The following CDH4 variants were observed in gnomAD, a reference collection of about 807,000 sequenced individuals.
CDH4 encodes the protein cadherin 4, also known as cadherin-4.
Under a neutral mutation model 86.0 loss-of-function variants are expected in CDH4, and 33 were observed. That is an observed-to-expected ratio of 0.38 (90% CI 0.29 to 0.51). The LOEUF (loss-of-function observed/expected upper bound fraction) is 0.51. CDH4 is among the 20% of genes least tolerant of loss of function. The pLI, the probability that CDH4 is intolerant of heterozygous loss-of-function variation, is 0.86. For synonymous variants in CDH4, 555 were observed against 549.4 expected (o/e 1.01, Z -0.14); for missense variants, 1,114 against 1,307.4 (o/e 0.85, Z 2.28).
chr20:61,659,323 CAG>C lies in CDH4; in HGVS notation c.170-84237_170-84236del, dbSNP rs531841990. Among the ~76,000 whole-genome samples, 116 of 152,276 alleles carry C rather than the reference CAG, an allele frequency of 7.6e-4. 1 individual carries two copies. The highest frequency in any genetic ancestry group is 2.4e-3 in the African/African-American group (101 of 41,556). ...ACAATTGATCCGCTACGGAGAGAAA[CAG>C]AGTTTTATAGAATGCTCATTTAAAA... On this transcript the variant is annotated intron_variant, in intron 2 of 15. Transcript: ENST00000614565.
At chr20:61,346,741 CAAAAAAAA>C (rs11477481) in intron 2 of CDH4, among the ~76,000 whole-genome samples, 2 of 135,442 alleles carry the variant, frequency 1.5e-5, no homozygotes, top group Admixed American at 7.4e-5. Context: ...GAGACTCTGT[CAAAAAAAA>C]AAAAAAAATT....
intron 6 of CDH4, among the ~76,000 whole-genome samples, chr20:61,871,690 G>A (rs931687558): frequency 1.3e-5 from 2 of 152,136 alleles, no homozygotes; most frequent in Admixed American, 6.5e-5. Context: ...ATCGTGATGG[G>A]GGCAAGGATC....
intron 9 of CDH4, among the ~76,000 whole-genome samples, chr20:61,922,415 T>C (rs1345050105): frequency 6.6e-6 from 1 of 152,208 alleles, no homozygotes; most frequent in Non-Finnish European, 1.5e-5. Flanking sequence ...GCCAGGGTCC[T>C]GGTGCACCAG....
At chr20:61,373,035 A>G (rs1208283356) in intron 2 of CDH4, among the ~76,000 whole-genome samples, 1 of 152,274 alleles carries the variant, frequency 6.6e-6, no homozygotes, top group African/African-American at 2.4e-5. Flanking sequence ...TTTCATAAAA[A>G]TCCTGATTCC....
intron 2 of CDH4, among the ~76,000 whole-genome samples, chr20:61,463,301 G>A (rs1296601712): frequency 1.3e-5 from 2 of 152,146 alleles, no homozygotes; most frequent in African/African-American, 4.8e-5. Context: ...GGCAGGAGTA[G>A]GCAGGCAAAG....
intron 2 of CDH4, among the ~76,000 whole-genome samples, chr20:61,522,913 C>T (rs1242784870): frequency 1.3e-5 from 2 of 152,240 alleles, no homozygotes; most frequent in Admixed American, 1.3e-4. Flanking sequence ...ACACAGAGTG[C>T]AGGGAAAGCA....
intron 2 of CDH4, among the ~76,000 whole-genome samples, chr20:61,692,223 GTGTATGTGTGTGTA>G (rs1011468303): frequency 2.3e-4 from 34 of 145,452 alleles, no homozygotes; most frequent in South Asian, 9.3e-4. Flanking sequence ...GTATGTATGT[GTGTATGTGTGTGTA>G]TGTATGTGTG....
At chr20:61,385,351 C>G (rs1218177069) in intron 2 of CDH4, among the ~76,000 whole-genome samples, 1 of 152,166 alleles carries the variant, frequency 6.6e-6, no homozygotes, top group Non-Finnish European at 1.5e-5. Flanking sequence ...CCAACCCCTT[C>G]CCTTCCCTTC....
intron 2 of CDH4, among the ~76,000 whole-genome samples, chr20:61,590,097 G>T (rs2145730589): frequency 6.6e-6 from 1 of 151,300 alleles, no homozygotes; most frequent in South Asian, 2.1e-4. Flanking sequence ...TATTTCAGGA[G>T]CAACAGGAAG....
chr20:61,338,128 C>T (rs556622528), intron 2 of CDH4, among the ~76,000 whole-genome samples: 8 of 152,210 alleles, frequency 5.3e-5, no homozygotes, highest in Non-Finnish European at 1.0e-4. Flanking sequence ...CAAAAAGTCA[C>T]GGGGCTCAGT....
At chr20:61,253,070 C>CT (rs892691085) in intron 1 of CDH4, among the ~76,000 whole-genome samples, 5 of 151,592 alleles carry the variant, frequency 3.3e-5, no homozygotes, top group Admixed American at 3.3e-4. Context: ...TGCCCAAGGC[C>CT]TGGGGGTCCG....
At chr20:61,769,041 C>T (rs953229803) in intron 3 of CDH4, among the ~76,000 whole-genome samples, 2 of 152,168 alleles carry the variant, frequency 1.3e-5, no homozygotes, top group African/African-American at 2.4e-5. Context: ...CTGGGAGATG[C>T]GGGGGAGCTG....
intron 2 of CDH4, among the ~76,000 whole-genome samples, chr20:61,647,247 A>G (rs905236083): frequency 6.6e-6 from 1 of 152,066 alleles, no homozygotes; most frequent in Admixed American, 6.5e-5. Context: ...AGGTGATTGG[A>G]TCCAGAGCCA....
intron 2 of CDH4, among the ~76,000 whole-genome samples, chr20:61,383,557 TATATGA>T (rs2084927130): frequency 1.7e-5 from 1 of 58,018 alleles, no homozygotes; most frequent in African/African-American, 1.3e-4. Context: ...ATATATATGA[TATATGA>T]TATATGATAT....
At chr20:61,928,090 T>C (rs1304625256) in intron 11 of CDH4, 100 bp from the exon 12 acceptor site, 3 of 887,270 alleles carry the variant, frequency 3.4e-6, no homozygotes, top group Non-Finnish European at 5.6e-6. Flanking sequence ...TCCCTGTGTA[T>C]GTTGCACGTG....
chr20:61,878,550 C>T (rs1984142498), intron 7 of CDH4, among the ~76,000 whole-genome samples: 1 of 152,228 alleles, frequency 6.6e-6, no homozygotes. Context: ...AGCCATGTCC[C>T]AGGGCCCCCG....
intron 2 of CDH4, among the ~76,000 whole-genome samples, chr20:61,322,745 G>T (rs1365355068): frequency 1.3e-5 from 2 of 152,216 alleles, no homozygotes; most frequent in African/African-American, 4.8e-5. Context: ...CAGATAGATG[G>T]CAGGGAGCGG....
intron 2 of CDH4, among the ~76,000 whole-genome samples, chr20:61,327,750 A>G (rs980594793): frequency 5.3e-5 from 8 of 152,114 alleles, no homozygotes; most frequent in Non-Finnish European, 1.0e-4. Context: ...TATTCTATAG[A>G]TGTACCCACA....
intron 3 of CDH4, among the ~76,000 whole-genome samples, chr20:61,762,031 T>C (rs994447604): frequency 1.3e-5 from 2 of 152,252 alleles, no homozygotes; most frequent in Non-Finnish European, 2.9e-5. Context: ...CAGTCCAGCC[T>C]CAAGGCCACC....
Sources: gnomAD v4.1 joint callset for allele counts (sites outside exome capture counted in the v4.1 genomes callset) on GRCh38, gnomAD v4.1.1 for gene constraint, MANE v1.5 for transcripts, NCBI Gene and HGNC (gene_info 2026-07-23, HGNC 2026-07-21) for gene names.